The following CDKAL1 variants were observed in gnomAD, a reference collection of about 807,000 sequenced individuals.
CDKAL1 encodes the protein threonylcarbamoyladenosine tRNA methylthiotransferase.
Under a neutral mutation model 68.2 loss-of-function variants are expected in CDKAL1, and 32 were observed. That is an observed-to-expected ratio of 0.47 (90% confidence interval 0.35 to 0.63). The LOEUF (loss-of-function observed/expected upper bound fraction) is 0.63. Among genes scored for constraint, CDKAL1 ranks in the 30% least tolerant of loss-of-function variants. The pLI is 0.00. For missense variants in CDKAL1, 606 were observed against 696.7 expected (o/e 0.87, Z 1.47); for synonymous variants, 234 against 244.3 (o/e 0.96, Z 0.39).
intron 9 of CDKAL1, among the ~76,000 whole-genome samples, chr6:20,947,685 C>T (rs2150710984): frequency 6.6e-6 from 1 of 152,292 alleles, no homozygotes; most frequent in Middle Eastern, 3.4e-3. Flanking sequence ...CGTAGCCTAC[C>T]TTAAACATGC....
rs541403687 is a variant in CDKAL1 at position 21,085,025 on chromosome 6, AC to A, written c.1236+19799del. 1.4e-4 allele frequency among the ~76,000 whole-genome samples: 21 copies of A among 152,356 alleles called. No individual in the cohort carries two copies. The East Asian group carries it at 2.9e-3, about 21-fold the overall frequency. On this transcript the variant is annotated intron_variant, in intron 12 of 15. Transcript: ENST00000274695. ...TATTCATACTGATAATTTGTCAGGTACCTGAAATCCTATCCTATTAACAAAC... is the reference window on the plus strand; with the variant it reads ...TATTCATACTGATAATTTGTCAGGTACTGAAATCCTATCCTATTAACAAAC...
intron 9 of CDKAL1, among the ~76,000 whole-genome samples, chr6:20,898,624 T>C (rs1761814656): frequency 1.3e-5 from 2 of 152,016 alleles, no homozygotes; most frequent in African/African-American, 2.4e-5. Context: ...GGTCCCTCCT[T>C]CTAAATTCTA....
intron 8 of CDKAL1, among the ~76,000 whole-genome samples, chr6:20,826,944 A>G (rs2150454181): frequency 6.6e-6 from 1 of 152,302 alleles, no homozygotes; most frequent in South Asian, 2.1e-4. Context: ...CATGGACATT[A>G]CCAAAAATCT....
intron 5 of CDKAL1, among the ~76,000 whole-genome samples, chr6:20,695,317 T>C (rs1321645342): frequency 1.3e-5 from 2 of 152,198 alleles, no homozygotes; most frequent in African/African-American, 4.8e-5. Context: ...CAGCCACTGA[T>C]AGTTTATTAT....
At position 20,553,847 on chromosome 6, in the gene CDKAL1, A is replaced by T. The variant is rs557792278; in HGVS notation, c.286+5142A>T. On this transcript the variant is annotated intron_variant, in intron 4 of 15. Coordinates refer to ENST00000274695, the MANE Select transcript of CDKAL1 (RefSeq NM_017774.3). ...GACTGGTCTCTAACTCCTGGCCTCA[A>T]GCGGTCTGCCCACCTTGGCCTCCCA... 2.6e-5 allele frequency among the ~76,000 whole-genome samples: 4 copies of T among 151,318 alleles called. No homozygotes were observed. In the South Asian group the frequency reaches 8.4e-4, roughly 32 times the overall value.
chr6:21,230,957 A>C lies in CDKAL1; in HGVS notation c.1658A>C (p.His553Pro), dbSNP rs1352039482. 1.7e-5 allele frequency: 28 copies of C among 1,614,008 alleles called. No homozygotes were observed. Among genetic ancestry groups the C allele is most frequent in the Non-Finnish European group, 2.4e-5 (28 of 1,179,952 alleles). The stretch of plus-strand genomic sequence containing the variant: ...ATGGTGCTGCCCATGCCAAGGCTAC[A>C]TCAAGACTGTGCGCTGAGGATGTCC... ...SRMVLPMPRL[H>P]QDCALRMSVG... Residue 553 changes from histidine to proline, a missense_variant, in exon 16 of 16, where the codon CAT (histidine) becomes CCT (proline). Transcript: ENST00000274695.
chr6:21,074,699 C>T (rs188962925), intron 12 of CDKAL1, among the ~76,000 whole-genome samples: 2 of 152,248 alleles, frequency 1.3e-5, no homozygotes, highest in African/African-American at 4.8e-5. Context: ...TCTACTCTAC[C>T]AGTCTTAGGT....
At chr6:20,579,567 T>C (rs1213988165) in intron 4 of CDKAL1, among the ~76,000 whole-genome samples, 1 of 152,204 alleles carries the variant, frequency 6.6e-6, no homozygotes, top group African/African-American at 2.4e-5. Flanking sequence ...GGGAATTTTT[T>C]CTGTTTTTTA....
chr6:21,191,853 C>T (rs1436481003), intron 13 of CDKAL1, among the ~76,000 whole-genome samples: 5 of 151,610 alleles, frequency 3.3e-5, no homozygotes, highest in East Asian at 1.9e-4. Flanking sequence ...AGCTGGGGGC[C>T]GTGTTTCCCA....
chr6:20,826,558 A>T (rs1370626934), intron 8 of CDKAL1, among the ~76,000 whole-genome samples: 1 of 152,010 alleles, frequency 6.6e-6, no homozygotes, highest in Non-Finnish European at 1.5e-5. Context: ...TGCTTTTTAG[A>T]CTGGTGCCAG....
intron 13 of CDKAL1, among the ~76,000 whole-genome samples, chr6:21,173,639 A>T (rs1348839371): frequency 6.6e-6 from 1 of 152,228 alleles, no homozygotes; most frequent in East Asian, 1.9e-4. Context: ...GCTATAACTG[A>T]AAGTTTCCTT....
chr6:21,176,701 T>TG (rs199538839), intron 13 of CDKAL1, among the ~76,000 whole-genome samples: 3 of 146,448 alleles, frequency 2.0e-5, no homozygotes, highest in South Asian at 4.4e-4. Flanking sequence ...TTTTTGTTTT[T>TG]TTTTTTTTTT....
Position 20,716,446 on chromosome 6 carries a change from G to C in CDKAL1, c.372-23073G>C, listed in dbSNP as rs186880959. 9.2e-5 allele frequency among the ~76,000 whole-genome samples: 14 copies of C among 152,234 alleles called. No individual in the cohort carries two copies. In the East Asian group the frequency reaches 1.7e-3, roughly 19 times the overall value. ...CAGAAAGTACAGCAAGAGATGATGTGGCTTGGATGAGTGTGGTGCCAGTGG... is the reference window on the plus strand; with the variant it reads ...CAGAAAGTACAGCAAGAGATGATGTCGCTTGGATGAGTGTGGTGCCAGTGG... On this transcript the variant is annotated intron_variant, in intron 5 of 15. Coordinates refer to ENST00000274695, the MANE Select transcript of CDKAL1 (RefSeq NM_017774.3).
intron 5 of CDKAL1, among the ~76,000 whole-genome samples, chr6:20,686,068 G>A (rs1007986978): frequency 1.8e-4 from 24 of 136,514 alleles, no homozygotes; most frequent in Non-Finnish European, 3.1e-4. Context: ...TTGCTAAATA[G>A]CTTATTTGTT....
chr6:21,178,023 C>A (rs1487946786), intron 13 of CDKAL1, among the ~76,000 whole-genome samples: 2 of 152,048 alleles, frequency 1.3e-5, no homozygotes, highest in African/African-American at 4.8e-5. Flanking sequence ...CTCACTTGAA[C>A]CCAACCTATC....
chr6:20,894,601 G>T (rs1357119255), intron 9 of CDKAL1, among the ~76,000 whole-genome samples: 1 of 152,048 alleles, frequency 6.6e-6, no homozygotes, highest in Non-Finnish European at 1.5e-5. Flanking sequence ...TTTGAAGAAG[G>T]TCTTTCACTT....
chr6:20,575,021 A>G (rs1764853104), intron 4 of CDKAL1, among the ~76,000 whole-genome samples: 1 of 152,132 alleles, frequency 6.6e-6, no homozygotes, highest in Non-Finnish European at 1.5e-5. Context: ...AGTTTATTTC[A>G]CAATATAATA....
intron 9 of CDKAL1, among the ~76,000 whole-genome samples, chr6:20,950,512 G>A (rs1308070222): frequency 1.3e-5 from 2 of 152,094 alleles, no homozygotes; most frequent in Non-Finnish European, 2.9e-5. Context: ...AGAAACAGCA[G>A]GAAGTAAAAG....
rs1013174614 is a variant in CDKAL1 at position 20,891,638 on chromosome 6, G to A, written c.742+45460G>A. 4.0e-5 allele frequency among the ~76,000 whole-genome samples: 6 copies of A among 150,696 alleles called. No individual in the cohort carries two copies. In the East Asian group the frequency reaches 9.8e-4, roughly 25 times the overall value. ...CAACCTCCGCCTCCCGGGTTCAAGC[G>A]ATTCTCCTGCCTCAGCCTCCCGAGT... On this transcript the variant is annotated intron_variant, in intron 9 of 15. Transcript: ENST00000274695.
Sources: allele counts gnomAD v4.1 joint callset (sites outside exome capture counted in the v4.1 genomes callset), GRCh38; gene constraint gnomAD v4.1.1; transcripts MANE v1.5; gene names NCBI Gene and HGNC (gene_info 2026-07-23, HGNC 2026-07-21).